PITPNA: variants seen among roughly 807,000 people sequenced by gnomAD.
The protein encoded by PITPNA is phosphatidylinositol transfer protein alpha, also known as phosphatidylinositol transfer protein alpha isoform.
In PITPNA, 13 loss-of-function variants were observed where a neutral mutation model predicts 50.3. The ratio of observed to expected loss-of-function variants is 0.26; its 90% CI spans 0.17 to 0.41. The LOEUF (loss-of-function observed/expected upper bound fraction) is 0.41. Ranked by LOEUF, PITPNA falls within the 10% of genes least tolerant of loss-of-function variation. The pLI is 1.00. For synonymous variants in PITPNA, 120 were observed against 119.6 expected (o/e 1.00, Z -0.02); for missense variants, 207 against 333.4 (o/e 0.62, Z 2.95).
chr17:1,559,857 C>G, intron 1 of PITPNA: 1 of 743,474 alleles, frequency 1.3e-6, no homozygotes, highest in Non-Finnish European at 1.6e-6. Flanking sequence ...GCAACTCAAA[C>G]AACATAAATC....
At chr17:1,557,233 C>T (rs1219512936) in intron 2 of PITPNA, among the ~76,000 whole-genome samples, 1 of 152,162 alleles carries the variant, frequency 6.6e-6, no homozygotes, top group Non-Finnish European at 1.5e-5. Flanking sequence ...ATATGTAGCC[C>T]ACCCCTGGAG....
chr17:1,542,932 A>G, intron 5 of PITPNA, 88 bp downstream of exon 5: 1 of 1,006,690 alleles, frequency 9.9e-7, no homozygotes, highest in Admixed American at 2.1e-5. Flanking sequence ...CAAGGGAAAG[A>G]ACACCCAAGA....
At chr17:1,533,096 G>GC (rs1031940468) in intron 10 of PITPNA, among the ~76,000 whole-genome samples, 169 of 152,336 alleles carry the variant, frequency 1.1e-3, no homozygotes, top group African/African-American at 3.5e-3. Flanking sequence ...CTGTTGCAAA[G>GC]CAATGCCTCT....
At chr17:1,533,708 C>A (rs1300093053) in intron 10 of PITPNA, among the ~76,000 whole-genome samples, 3 of 152,204 alleles carry the variant, frequency 2.0e-5, no homozygotes, top group African/African-American at 7.2e-5. Context: ...TGCGCTGTGG[C>A]TGTCCTCTGT....
chr17:1,561,543 C>G (rs2075768193), intron 1 of PITPNA, among the ~76,000 whole-genome samples: 1 of 152,124 alleles, frequency 6.6e-6, no homozygotes, highest in Admixed American at 6.5e-5. Flanking sequence ...TACTCTCTTT[C>G]CGGACCAGCC....
chr17:1,547,649 CA>C (rs931790775), intron 4 of PITPNA, among the ~76,000 whole-genome samples: 8 of 147,238 alleles, frequency 5.4e-5, no homozygotes, highest in Non-Finnish European at 7.5e-5. Flanking sequence ...GGCTCCATCT[CA>C]AAAAAAAAAT....
intron 2 of PITPNA, among the ~76,000 whole-genome samples, chr17:1,557,347 A>AT (rs2151014527): frequency 6.6e-6 from 1 of 152,054 alleles, no homozygotes; most frequent in African/African-American, 2.4e-5. Context: ...GCCTGATTTC[A>AT]TTTTTCAAAG....
chr17:1,557,429 C>A (rs534129831), intron 2 of PITPNA, among the ~76,000 whole-genome samples: 1 of 152,150 alleles, frequency 6.6e-6, no homozygotes, highest in African/African-American at 2.4e-5. Context: ...GAAAGAGAGA[C>A]GGAGCCCAGT....
At chr17:1,541,814 TC>T in intron 5 of PITPNA, 174 bp from the exon 6 acceptor site, 1 of 697,728 alleles carries the variant, frequency 1.4e-6, no homozygotes, top group Non-Finnish European at 2.7e-6. Context: ...GCATGTATTA[TC>T]CCATTCAATC....
intron 4 of PITPNA, among the ~76,000 whole-genome samples, chr17:1,544,889 A>C (rs1054487173): frequency 6.6e-6 from 1 of 152,198 alleles, no homozygotes; most frequent in Admixed American, 6.5e-5. Context: ...GTCTGTTGGG[A>C]GGCTGAGGCA....
chr17:1,561,790 T>A (rs986273154), intron 1 of PITPNA, among the ~76,000 whole-genome samples: 1 of 152,004 alleles, frequency 6.6e-6, no homozygotes, highest in African/African-American at 2.4e-5. Flanking sequence ...CTAGTCCTCC[T>A]CCTGTGTCCA....
chr17:1,557,766 C>G (rs144918099), intron 2 of PITPNA, among the ~76,000 whole-genome samples: 568 of 152,286 alleles, frequency 3.7e-3, no homozygotes, highest in African/African-American at 0.013. Flanking sequence ...CCCTGCCCTT[C>G]GTAAAAGGAG....
At chr17:1,531,494 C>T (rs2075583084) in intron 10 of PITPNA, among the ~76,000 whole-genome samples, 1 of 151,940 alleles carries the variant, frequency 6.6e-6, no homozygotes, top group Non-Finnish European at 1.5e-5. Flanking sequence ...CGTGCCACTG[C>T]ACTCCAGCTT....
chr17:1,547,196 CAA>C (rs758159456), intron 4 of PITPNA, among the ~76,000 whole-genome samples: 6 of 62,944 alleles, frequency 9.5e-5, no homozygotes, highest in Non-Finnish European at 9.0e-5. Flanking sequence ...CCCATCTCTC[CAA>C]AAAAAAAAAA....
intron 1 of PITPNA, chr17:1,559,709 C>A (rs899357969): frequency 1.1e-6 from 1 of 936,230 alleles, no homozygotes; most frequent in East Asian, 1.2e-4. Context: ...CCACAAAGGT[C>A]CCCCAGGAAG....
intron 1 of PITPNA, among the ~76,000 whole-genome samples, chr17:1,559,966 C>T (rs891191129): frequency 2.0e-5 from 3 of 152,194 alleles, no homozygotes; most frequent in African/African-American, 7.2e-5. Flanking sequence ...AATTTCTGCA[C>T]CCTCAGAAGA....
intron 5 of PITPNA, 152 bp from the exon 6 acceptor site, chr17:1,541,792 A>G (rs1234244235): frequency 4.2e-6 from 3 of 710,304 alleles, no homozygotes; most frequent in African/African-American, 3.5e-5. Flanking sequence ...CTGGGAGCCC[A>G]CGACACACTA....
Position 1,535,527 on chromosome 17 carries a change from A to T in PITPNA, c.457-9T>A. On this transcript the variant is annotated splice_polypyrimidine_tract_variant and intron_variant, in intron 7 of 11. Coordinates refer to ENST00000313486, the MANE Select transcript of PITPNA (RefSeq NM_006224.4). ...TCCTCTGCCTTGTAATCCTGAGAGA[A>T]ATTGTGGAATTGGGGTTGGAGGGGA... The T allele has an allele frequency of 6.3e-7, 1 of 1,594,208 alleles. No homozygotes were observed. Among genetic ancestry groups the T allele is most frequent in the Non-Finnish European group, 8.6e-7 (1 of 1,161,940 alleles).
At chr17:1,527,782 T>TGTTA in intron 10 of PITPNA, among the ~76,000 whole-genome samples, 1 of 152,262 alleles carries the variant, frequency 6.6e-6, no homozygotes, top group East Asian at 1.9e-4. Flanking sequence ...TTTTGCAAGA[T>TGTTA]GTTACCATTG....
Sources: allele counts gnomAD v4.1 joint callset (sites outside exome capture counted in the v4.1 genomes callset), GRCh38; gene constraint gnomAD v4.1.1; transcripts MANE v1.5; gene names NCBI Gene and HGNC (gene_info 2026-07-23, HGNC 2026-07-21).